ZNF131: variants seen among roughly 807,000 people sequenced by gnomAD.
ZNF131 encodes zinc finger and BTB domain containing 35.
In ZNF131, 7 loss-of-function variants were observed where a neutral mutation model predicts 60.0. The ratio of observed to expected loss-of-function variants is 0.12; its 90% CI spans 0.07 to 0.22. The LOEUF is 0.22. Among genes scored for constraint, ZNF131 ranks in the 10% least tolerant of loss-of-function variants. The pLI is 1.00. For missense variants in ZNF131, 493 were observed against 740.9 expected (o/e 0.67, Z 3.88); for synonymous variants, 257 against 253.2 (o/e 1.01, Z -0.14).
At chr5:43,128,748 A>G (rs560989170) in intron 3 of ZNF131, among the ~76,000 whole-genome samples, 1 of 151,466 alleles carries the variant, frequency 6.6e-6, no homozygotes, top group East Asian at 2.0e-4. Flanking sequence ...TCCAAAGATC[A>G]GGTACCAGTA....
At chr5:43,125,918 A>G (rs1337750774) in intron 3 of ZNF131, among the ~76,000 whole-genome samples, 3 of 152,206 alleles carry the variant, frequency 2.0e-5, no homozygotes, top group Admixed American at 6.5e-5. Context: ...TGTGGCACAC[A>G]CAAGTCTTCA....
chr5:43,123,215 AT>A lies in ZNF131; in HGVS notation c.135del (p.Phe45LeufsTer30). ...TDITLIVDGH[H>X]FKAHKAVLAA... The stretch of plus-strand genomic sequence containing the variant: ...TTTTTCTTATTTTACCTAGGACACC[AT>A]TTTAAGGCTCACAAGGCTGTTTTGG... On this transcript the variant is annotated frameshift_variant, in exon 3 of 7. Coordinates refer to ENST00000682664, the MANE Select transcript of ZNF131 (RefSeq NM_001330707.2). LOFTEE classifies it high-confidence loss of function. 1 of 1,601,992 alleles carries A rather than the reference AT, an allele frequency of 6.2e-7. No individual in the cohort carries two copies.
intron 3 of ZNF131, among the ~76,000 whole-genome samples, chr5:43,131,277 A>T (rs965661209): frequency 1.3e-5 from 2 of 151,968 alleles, no homozygotes; most frequent in African/African-American, 4.8e-5. Flanking sequence ...GGTTCAAGCG[A>T]TTGTCCTGCC....
chr5:43,146,335 C>T (rs899333990), intron 4 of ZNF131, among the ~76,000 whole-genome samples: 1 of 152,180 alleles, frequency 6.6e-6, no homozygotes, highest in Non-Finnish European at 1.5e-5. Context: ...CGCCTGTAAT[C>T]CCAGCACTTT....
chr5:43,159,711 A>T (rs1452424407), intron 4 of ZNF131, among the ~76,000 whole-genome samples: 1 of 151,700 alleles, frequency 6.6e-6, no homozygotes, highest in Non-Finnish European at 1.5e-5. Flanking sequence ...AAAAAAAAAA[A>T]AACCAAACAA....
intron 3 of ZNF131, among the ~76,000 whole-genome samples, chr5:43,130,624 G>A (rs1418125748): frequency 6.6e-6 from 1 of 152,106 alleles, no homozygotes; most frequent in Non-Finnish European, 1.5e-5. Context: ...GAGTGCAATG[G>A]TGTGATCTCG....
chr5:43,123,752 A>C (rs753507919), intron 3 of ZNF131: 2 of 153,090 alleles, frequency 1.3e-5, no homozygotes, highest in Admixed American at 1.3e-4. Flanking sequence ...GATGACATGC[A>C]GTGTGAAGTG....
intron 4 of ZNF131, among the ~76,000 whole-genome samples, chr5:43,157,796 C>T (rs917680945): frequency 6.6e-6 from 1 of 152,198 alleles, no homozygotes; most frequent in Non-Finnish European, 1.5e-5. Flanking sequence ...TTTGCCTCTT[C>T]TGGCTTCTGG....
chr5:43,121,332 C>T (rs1366171610), intron 1 of ZNF131, among the ~76,000 whole-genome samples: 2 of 152,212 alleles, frequency 1.3e-5, no homozygotes, highest in African/African-American at 2.4e-5. Context: ...CCAGGCTCTG[C>T]AGTAGCCCAA....
chr5:43,163,562 G>A (rs958290767), intron 5 of ZNF131, among the ~76,000 whole-genome samples: 7 of 152,148 alleles, frequency 4.6e-5, no homozygotes, highest in African/African-American at 1.4e-4. Flanking sequence ...CAGGTTTCTT[G>A]CTTGCTCCCA....
At chr5:43,123,450 TCA>T in intron 3 of ZNF131, 140 bp downstream of exon 3, 2 of 605,044 alleles carry the variant, frequency 3.3e-6, no homozygotes, top group Non-Finnish European at 5.4e-6. Flanking sequence ...GAAATAGGCA[TCA>T]GTAGTTCCTG....
chr5:43,121,872 C>A, intron 1 of ZNF131, 167 bp from the exon 2 acceptor site: 1 of 714,032 alleles, frequency 1.4e-6, no homozygotes. Flanking sequence ...TCTCAACGCT[C>A]CGGGGCCGCT....
intron 4 of ZNF131, among the ~76,000 whole-genome samples, chr5:43,141,865 G>T (rs1384085350): frequency 6.6e-6 from 1 of 152,006 alleles, no homozygotes; most frequent in Non-Finnish European, 1.5e-5. Flanking sequence ...GAACCAGATA[G>T]GCATGTAATA....
intron 4 of ZNF131, among the ~76,000 whole-genome samples, chr5:43,154,212 G>A (rs1748679746): frequency 6.6e-6 from 1 of 152,128 alleles, no homozygotes; most frequent in African/African-American, 2.4e-5. Context: ...AGGAGTTTGA[G>A]ACCAGTCTGA....
chr5:43,140,650 C>G (rs1746698946), intron 4 of ZNF131, among the ~76,000 whole-genome samples: 1 of 152,236 alleles, frequency 6.6e-6, no homozygotes, highest in Non-Finnish European at 1.5e-5. Context: ...ATGATTTAAT[C>G]TTAACTCACT....
intron 4 of ZNF131, among the ~76,000 whole-genome samples, chr5:43,156,446 G>C (rs891316948): frequency 2.0e-5 from 3 of 152,178 alleles, no homozygotes; most frequent in East Asian, 3.8e-4. Flanking sequence ...GAAAGGAGAG[G>C]GTAGAGGAGG....
In ZNF131 at chr5:43,158,121, G is replaced by A. The variant is rs186203144; in HGVS notation, c.372-3128G>A. 3.0e-4 allele frequency among the ~76,000 whole-genome samples: 46 copies of A among 151,046 alleles called. No individual in the cohort carries two copies. In the East Asian group the frequency reaches 8.7e-3, roughly 29 times the overall value. On this transcript the variant is annotated intron_variant, in intron 4 of 6. Coordinates refer to ENST00000682664, the MANE Select transcript of ZNF131 (RefSeq NM_001330707.2). Reference sequence around the variant, plus strand: ...GGAGCTGGGATTGCAGGCATGCACCGCCATGCCTGGCTGATTTTGTATTTT... The same window carrying A: ...GGAGCTGGGATTGCAGGCATGCACCACCATGCCTGGCTGATTTTGTATTTT...
intron 3 of ZNF131, among the ~76,000 whole-genome samples, chr5:43,129,026 C>G (rs1186884772): frequency 6.6e-6 from 1 of 152,104 alleles, no homozygotes; most frequent in Admixed American, 6.5e-5. Flanking sequence ...CTCCGCCTCC[C>G]GGGTTCAAGC....
intron 1 of ZNF131, 111 bp downstream of exon 1, chr5:43,121,234 C>T (rs912317133): frequency 6.5e-6 from 1 of 152,718 alleles, no homozygotes; most frequent in Non-Finnish European, 1.5e-5. Flanking sequence ...ATTCCGGGCT[C>T]GGGTCGGGAA....
Sources: gnomAD v4.1 joint callset for allele counts (sites outside exome capture counted in the v4.1 genomes callset) on GRCh38, gnomAD v4.1.1 for gene constraint, MANE v1.5 for transcripts, NCBI Gene and HGNC (gene_info 2026-07-23, HGNC 2026-07-21) for gene names.